The following FMN1 variants were observed in gnomAD, a reference collection of about 807,000 sequenced individuals.
FMN1 encodes the protein formin-1.
Under a neutral mutation model 132.4 loss-of-function variants are expected in FMN1, and 110 were observed. That is an observed-to-expected ratio of 0.83 (90% CI 0.71 to 0.97). The LOEUF is 0.97. Ranked by LOEUF, FMN1 falls within the 50% of genes least tolerant of loss-of-function variation. The pLI, the probability that FMN1 is intolerant of heterozygous loss-of-function variation, is 0.00. For missense variants in FMN1, 1,792 were observed against 1,705.3 expected, an observed-to-expected ratio of 1.05 and a Z score of -0.90; for synonymous variants, 722 against 651.7, an observed-to-expected ratio of 1.11 and a Z score of -1.64.
intron 4 of FMN1, among the ~76,000 whole-genome samples, chr15:33,105,234 G>C (rs565493852): frequency 2.8e-4 from 43 of 152,180 alleles, no homozygotes; most frequent in South Asian, 2.7e-3. Flanking sequence ...TCAGAACTGG[G>C]GAGCAGGGGT....
intron 5 of FMN1, among the ~76,000 whole-genome samples, chr15:33,079,842 A>G (rs16964677): frequency 0.028 from 4,337 of 152,266 alleles, 199 homozygotes; most frequent in African/African-American, 0.1. Flanking sequence ...TTTTTTTTCA[A>G]CTGCTTTATC....
At chr15:33,185,358 C>G (rs915074013) in intron 2 of FMN1, among the ~76,000 whole-genome samples, 14 of 151,804 alleles carry the variant, frequency 9.2e-5, no homozygotes, top group African/African-American at 3.4e-4. Flanking sequence ...TCTATTGTTT[C>G]CTGTAGAAAT....
chr15:32,863,606 T>A (rs1016741585), intron 16 of FMN1, among the ~76,000 whole-genome samples: 4 of 152,170 alleles, frequency 2.6e-5, no homozygotes, highest in Non-Finnish European at 5.9e-5. Context: ...CAACTAAGAT[T>A]TCTTAATGGG....
intron 4 of FMN1, among the ~76,000 whole-genome samples, chr15:33,119,656 A>G (rs1054952784): frequency 6.6e-6 from 1 of 152,258 alleles, no homozygotes; most frequent in Non-Finnish European, 1.5e-5. Context: ...TCTGTTTTAC[A>G]AAAGATGTTT....
At chr15:32,835,110 C>T (rs958162186) in intron 17 of FMN1, among the ~76,000 whole-genome samples, 1 of 152,138 alleles carries the variant, frequency 6.6e-6, no homozygotes, top group Non-Finnish European at 1.5e-5. Flanking sequence ...CCTAAAAGCA[C>T]AAGGCTGCTA....
intron 4 of FMN1, among the ~76,000 whole-genome samples, chr15:33,094,426 T>C (rs1469413114): frequency 6.6e-6 from 1 of 152,194 alleles, no homozygotes; most frequent in African/African-American, 2.4e-5. Context: ...TTTTCTTTTG[T>C]CAGAGAAGAT....
Position 33,153,126 on chromosome 15 carries a change from A to G in FMN1, c.1789T>C (p.Leu597=), listed in dbSNP as rs563705892. 9.8e-6 allele frequency: 15 copies of G among 1,536,104 alleles called. No individual in the cohort carries two copies. Among genetic ancestry groups the G allele is most frequent in the Admixed American group, 2.0e-5 (1 of 50,994 alleles). The part of the protein sequence containing the change: ...PAFLRAGQPR[L]VPGETLEKSL... ...TTTTCCAAAGTTTCCCCAGGCACCA[A>G]CCGAGGTTGGCCTGCTCTGAGGAAG... Residue 597 remains leucine, a synonymous_variant, in exon 4 of 21, where the codon TTG becomes CTG. Transcript: ENST00000616417.
intron 6 of FMN1, among the ~76,000 whole-genome samples, chr15:33,015,890 T>G (rs2035017959): frequency 6.6e-6 from 1 of 152,244 alleles, no homozygotes; most frequent in Non-Finnish European, 1.5e-5. Context: ...GTGATTTCAC[T>G]GATAATGCTT....
chr15:33,023,652 G>A (rs1296882224), intron 6 of FMN1, among the ~76,000 whole-genome samples: 1 of 152,150 alleles, frequency 6.6e-6, no homozygotes, highest in African/African-American at 2.4e-5. Flanking sequence ...TTAATTGAAA[G>A]TGCAGCATGG....
chr15:32,922,592 G>T (rs12909023), intron 10 of FMN1, among the ~76,000 whole-genome samples: 52,461 of 152,056 alleles, frequency 0.35, 9,509 homozygotes, highest in African/African-American at 0.42. Context: ...AGAGAAGATT[G>T]CTCTTCAACA....
chr15:33,039,419 A>G (rs1416678226), intron 6 of FMN1, among the ~76,000 whole-genome samples: 1 of 152,216 alleles, frequency 6.6e-6, no homozygotes, highest in African/African-American at 2.4e-5. Flanking sequence ...AGCAAATATG[A>G]TAATTACTTG....
chr15:32,846,013 G>C (rs541678141), intron 17 of FMN1, among the ~76,000 whole-genome samples: 7 of 150,664 alleles, frequency 4.6e-5, no homozygotes, highest in Admixed American at 4.6e-4. Flanking sequence ...CACATAGAAA[G>C]GTTAAGTGGT....
At chr15:33,092,273 T>C (rs1484569541) in intron 4 of FMN1, among the ~76,000 whole-genome samples, 1 of 152,182 alleles carries the variant, frequency 6.6e-6, no homozygotes, top group Non-Finnish European at 1.5e-5. Flanking sequence ...GCAAAGGTAA[T>C]AATATGCCAT....
At chr15:33,124,212 G>C (rs934640917) in intron 4 of FMN1, among the ~76,000 whole-genome samples, 1 of 152,196 alleles carries the variant, frequency 6.6e-6, no homozygotes, top group African/African-American at 2.4e-5. Context: ...AAAGAAAAGT[G>C]AGGTGATGTT....
chr15:33,128,833 A>G (rs145857175), intron 4 of FMN1, among the ~76,000 whole-genome samples: 220 of 152,268 alleles, frequency 1.4e-3, no homozygotes, highest in Non-Finnish European at 1.1e-3. Flanking sequence ...AAGCCTCCGC[A>G]ATGCGGAAGA....
intron 7 of FMN1, among the ~76,000 whole-genome samples, chr15:32,998,724 C>T (rs1461240725): frequency 6.6e-6 from 1 of 152,204 alleles, no homozygotes; most frequent in Non-Finnish European, 1.5e-5. Context: ...AGAAAACTGT[C>T]TTGGTCCACC....
chr15:32,962,245 T>C (rs189531840), intron 9 of FMN1, among the ~76,000 whole-genome samples: 1 of 152,260 alleles, frequency 6.6e-6, no homozygotes, highest in Non-Finnish European at 1.5e-5. Flanking sequence ...CAGCAGCCAC[T>C]AGGCATAAGA....
chr15:33,129,863 G>C lies in FMN1; in HGVS notation c.1867+23185C>G, dbSNP rs190037925. Among the ~76,000 whole-genome samples the C allele has an allele frequency of 6.0e-5, 9 of 149,402 alleles. No homozygotes were observed. The South Asian group carries it at 1.3e-3, about 21-fold the overall frequency. Reference sequence around the variant, plus strand: ...GCTGGAGTGCAGTGGCACAATCTCGGCTCACTGCAACCTCCACCTCCCAGG... The same window carrying C: ...GCTGGAGTGCAGTGGCACAATCTCGCCTCACTGCAACCTCCACCTCCCAGG... On this transcript the variant is annotated intron_variant, in intron 4 of 20. Transcript: ENST00000616417.
At chr15:33,045,809 G>A (rs1301439154) in intron 6 of FMN1, among the ~76,000 whole-genome samples, 2 of 152,110 alleles carry the variant, frequency 1.3e-5, no homozygotes, top group African/African-American at 2.4e-5. Context: ...CATTTTTCGT[G>A]CACATGTAGG....
Sources: allele counts gnomAD v4.1 joint callset (sites outside exome capture counted in the v4.1 genomes callset), GRCh38; gene constraint gnomAD v4.1.1; transcripts MANE v1.5; gene names NCBI Gene and HGNC (gene_info 2026-07-23, HGNC 2026-07-21).